BEND3: variants seen among roughly 807,000 people sequenced by gnomAD.
BEND3 encodes BEN domain containing 3.
In BEND3, 13 loss-of-function variants were observed where a neutral mutation model predicts 60.1. That is an observed-to-expected ratio of 0.22 (90% CI 0.14 to 0.34). The LOEUF is 0.34. Among genes scored for constraint, BEND3 ranks in the 10% least tolerant of loss-of-function variants. The probability of loss-of-function intolerance (pLI) is 1.00; values close to 1 mark genes in which losing one functional copy is unlikely to be tolerated. For missense variants in BEND3, 896 were observed against 1,138.1 expected, an observed-to-expected ratio of 0.79 and a Z score of 3.06; for synonymous variants, 497 against 491.5, an observed-to-expected ratio of 1.01 and a Z score of -0.15.
At chr6:107,092,461 T>C (rs566822566) in intron 3 of BEND3, among the ~76,000 whole-genome samples, 4 of 152,100 alleles carry the variant, frequency 2.6e-5, no homozygotes, top group Admixed American at 6.6e-5. Context: ...AAATTAGGAC[T>C]AGAGGGAAAC....
intron 1 of BEND3, among the ~76,000 whole-genome samples, chr6:107,109,358 C>T (rs1554238026): frequency 1.4e-5 from 2 of 140,546 alleles, no homozygotes; most frequent in African/African-American, 5.2e-5. Context: ...GCAAGAGAAT[C>T]CTTGAACCTG....
At position 107,094,621 on chromosome 6, in the gene BEND3, CATAAATAAATAAATAA is replaced by C. The variant is rs144954565; in HGVS notation, c.240+3914_240+3929del. Among the ~76,000 whole-genome samples the C allele has an allele frequency of 7.7e-4, 107 of 139,806 alleles. No individual in the cohort carries two copies. In the South Asian group the frequency reaches 8.9e-3, roughly 12 times the overall value. 91.7% of individuals were successfully genotyped at this position (139,806 alleles called of 152,430 possible). ...GGGCAACAAGAGCAAAACTCCATCTCATAAATAAATAAATAAATAAATAAATAAATAAATAAATAAA... is the reference window on the plus strand; with the variant it reads ...GGGCAACAAGAGCAAAACTCCATCTCATAAATAAATAAATAAATAAATAAA... On this transcript the variant is annotated intron_variant, in intron 3 of 3. Transcript: ENST00000369042.
intron 3 of BEND3, among the ~76,000 whole-genome samples, chr6:107,072,768 T>A (rs554172452): frequency 6.6e-6 from 1 of 152,238 alleles, no homozygotes; most frequent in South Asian, 2.1e-4. Flanking sequence ...GTGGATCTCC[T>A]GAGCTCAGAA....
At chr6:107,086,902 G>A (rs1261767611) in intron 3 of BEND3, among the ~76,000 whole-genome samples, 3 of 151,680 alleles carry the variant, frequency 2.0e-5, no homozygotes, top group African/African-American at 4.8e-5. Context: ...GTACACGCCT[G>A]TAGTCACAGC....
chr6:107,080,354 C>CAAAAAAAAAAAAAAAAAAAAA (rs11402351), intron 3 of BEND3, among the ~76,000 whole-genome samples: 2 of 83,254 alleles, frequency 2.4e-5, no homozygotes, highest in Non-Finnish European at 2.4e-5. Flanking sequence ...GATCCCATCT[C>CAAAAAAAAAAAAAAAAAAAAA]AAAAAAAAAA....
At position 107,070,166 on chromosome 6, in the gene BEND3, T is replaced by C; in HGVS notation, c.1025A>G (p.Gln342Arg). The change falls in exon 4 of 4, where the codon CAG (glutamine) becomes CGG (arginine). Residue 342 changes from glutamine to arginine, a missense_variant. Transcript: ENST00000369042. This position sits in a 1 kb window ranked among gnomAD's most constrained non-coding sequence, Gnocchi z 6.9. ...LNDFFSRFWA[Q>R]REMEDSQPSG... ...GGGCTGGCTGTCCTCCATTTCCCGC[T>C]GGGCCCAGAAGCGGCTGAAGAAGTC... is the stretch of plus-strand genomic sequence containing the variant. The C allele has an allele frequency of 2.5e-6, 4 of 1,612,928 alleles. No homozygotes were observed. The South Asian group carries it at 4.4e-5, about 18-fold the overall frequency.
intron 2 of BEND3, 84 bp from the exon 3 acceptor site, chr6:107,098,837 T>C: frequency 8.4e-7 from 1 of 1,187,130 alleles, no homozygotes; most frequent in Non-Finnish European, 1.2e-6. Context: ...GCAGGGTGTC[T>C]GTGGGCCGCC....
Position 107,068,686 on chromosome 6 carries a change from T to C in BEND3, c.*18A>G, listed in dbSNP as rs1409524944. 4 of 1,605,438 alleles carry C rather than the reference T, an allele frequency of 2.5e-6. No individual in the cohort carries two copies. Among genetic ancestry groups the C allele is most frequent in the Non-Finnish European group, 3.4e-6 (4 of 1,176,004 alleles). On this transcript the variant is annotated 3_prime_UTR_variant, in exon 4 of 4. Coordinates refer to ENST00000369042, the MANE Select transcript of BEND3 (RefSeq NM_001367314.1). The surrounding 1 kb of genome is among the most constrained non-coding windows in gnomAD (Gnocchi z 5.8). The stretch of plus-strand genomic sequence containing the variant: ...TCAGCCTCTGGTGACCCCGAATCTC[T>C]GGGCAGGTCACGGGCCTTCACTTCT...
At chr6:107,110,842 A>T (rs1296750297) in intron 1 of BEND3, among the ~76,000 whole-genome samples, 2 of 151,164 alleles carry the variant, frequency 1.3e-5, no homozygotes, top group Admixed American at 1.3e-4. Flanking sequence ...GGTGTGAGCC[A>T]CTGCACCCAG....
At chr6:107,114,598 G>A (rs1446834969) in intron 1 of BEND3, among the ~76,000 whole-genome samples, 1 of 149,088 alleles carries the variant, frequency 6.7e-6, no homozygotes, top group African/African-American at 2.5e-5. Context: ...CCTTCCACAC[G>A]CCGAGCAGTG....
In BEND3 at chr6:107,070,558, G is replaced by A. The variant is rs1554231866; in HGVS notation, c.633C>T (p.Ser211=). The A allele has an allele frequency of 6.2e-7, 1 of 1,613,126 alleles. No individual in the cohort carries two copies. The highest frequency in any genetic ancestry group is 1.3e-5 in the African/African-American group (1 of 75,006). ...GCAGGTCCACCTTGCTGTGCAGCTG[G>A]GACATGTTGGACGTGAGGGTGTTCA... ...YMLNTLTSNM[S]QLHSKVDLLS... is the part of the protein sequence containing the mutation. Residue 211 remains serine, a synonymous_variant, in exon 4 of 4, where the codon TCC becomes TCT. Coordinates refer to ENST00000369042, the MANE Select transcript of BEND3 (RefSeq NM_001367314.1). The surrounding 1 kb of genome is among the most constrained non-coding windows in gnomAD (Gnocchi z 6.9).
chr6:107,105,609 G>A (rs1314398542), intron 1 of BEND3, among the ~76,000 whole-genome samples: 2 of 152,152 alleles, frequency 1.3e-5, no homozygotes, highest in Admixed American at 6.5e-5. Flanking sequence ...GGACAGCAGC[G>A]TGAGCCTAAT....
rs145215057 is a variant in BEND3, at chr6:107,082,287, C to G, written c.241-11337G>C. ...GGGATAATGTACGTAAAGGGAAGCT[C>G]CAATCATCCCAGCCACTCATTCCAG... On this transcript the variant is annotated intron_variant, in intron 3 of 3. Transcript: ENST00000369042. 2.4e-3 allele frequency among the ~76,000 whole-genome samples: 373 copies of G among 152,246 alleles called. 2 individuals carry two copies. The highest frequency in any genetic ancestry group is 8.7e-3 in the African/African-American group (363 of 41,534).
In BEND3 at chr6:107,073,201, GTATATA is replaced by G. The variant is rs782669876; in HGVS notation, c.241-2257_241-2252del. ...CTTCCTTCAGGGTTTGTATGTGTAT[GTATATA>G]TATATATATATATATATATATATAT... On this transcript the variant is annotated intron_variant, in intron 3 of 3. Transcript: ENST00000369042. Among the ~76,000 whole-genome samples the G allele has an allele frequency of 4.1e-3, 92 of 22,500 alleles. 2 individuals carry two copies. Among genetic ancestry groups the G allele is most frequent in the South Asian group, 6.8e-3 (5 of 734 alleles). The allele number at this position is 22,500 out of a possible 152,430, so 14.8% of individuals were successfully genotyped here.
chr6:107,096,583 G>A (rs994069821), intron 3 of BEND3, among the ~76,000 whole-genome samples: 2 of 152,092 alleles, frequency 1.3e-5, no homozygotes, highest in Non-Finnish European at 2.9e-5. Context: ...TGCACTCCAA[G>A]CCTGGGCCAC....
intron 3 of BEND3, among the ~76,000 whole-genome samples, chr6:107,082,575 C>T (rs879971821): frequency 5.9e-5 from 9 of 152,146 alleles, no homozygotes; most frequent in Non-Finnish European, 1.0e-4. Flanking sequence ...GCTGGGATTA[C>T]AGGCACACGC....
rs1363473729 is a variant in BEND3 at position 107,068,071 on chromosome 6, T to C, written c.*633A>G. The C allele has an allele frequency of 1.3e-5, 2 of 152,352 alleles. No individual in the cohort carries two copies. Among genetic ancestry groups the C allele is most frequent in the Middle Eastern group, 3.4e-3 (1 of 294 alleles). 9.4% of individuals were successfully genotyped at this position (152,352 alleles called of 1,614,324 possible). On this transcript the variant is annotated 3_prime_UTR_variant, in exon 4 of 4. Transcript: ENST00000369042. The surrounding 1 kb of genome is among the most constrained non-coding windows in gnomAD (Gnocchi z 5.8). ...TGGCACCAGAGCAGAAGGGAAAACT[T>C]GCATGTGGTCGTAAAGGACTTCGCA...
rs539016958 is a variant in BEND3, at chr6:107,083,615, G to A, written c.241-12665C>T. Among the ~76,000 whole-genome samples, 3 of 151,874 alleles carry A rather than the reference G, an allele frequency of 2.0e-5. No homozygotes were observed. The East Asian group carries it at 5.8e-4, about 29-fold the overall frequency. ...TCACACTACTGCACTCACCCTGGGT[G>A]ACAGAGCAAGACTGTATCTCAAAAA... On this transcript the variant is annotated intron_variant, in intron 3 of 3. Transcript: ENST00000369042.
In BEND3 at chr6:107,081,420, C is replaced by G. The variant is rs541717525; in HGVS notation, c.241-10470G>C. Among the ~76,000 whole-genome samples the G allele has an allele frequency of 3.3e-5, 5 of 151,914 alleles. No homozygotes were observed. In the East Asian group the frequency reaches 9.7e-4, roughly 29 times the overall value. The stretch of plus-strand genomic sequence containing the variant: ...TATTTTTAGTAGAGATGGGGTTTCA[C>G]CACGTTGGCTAGGGTGGTCTCGAAC... On this transcript the variant is annotated intron_variant, in intron 3 of 3. Coordinates refer to ENST00000369042, the MANE Select transcript of BEND3 (RefSeq NM_001367314.1).
Sources: allele counts gnomAD v4.1 joint callset (sites outside exome capture counted in the v4.1 genomes callset), GRCh38; gene constraint gnomAD v4.1.1; non-coding constraint Gnocchi (gnomAD v3.1); transcripts MANE v1.5; gene names NCBI Gene and HGNC (gene_info 2026-07-23, HGNC 2026-07-21).